The following RNF213 variants were observed in gnomAD, a reference collection of about 807,000 sequenced individuals.
RNF213 encodes the protein ring finger protein 213.
A neutral mutation model predicts 514.4 loss-of-function variants in RNF213; 341 were observed. The ratio of observed to expected loss-of-function variants is 0.66; its 90% CI spans 0.61 to 0.73. The LOEUF (loss-of-function observed/expected upper bound fraction) is 0.73, where lower values mean the gene tolerates loss of function less well. RNF213 is among the 30% of genes least tolerant of loss of function. The probability of loss-of-function intolerance (pLI) is 0.00; values close to 1 mark genes in which losing one functional copy is unlikely to be tolerated. For synonymous variants in RNF213, 2,655 were observed against 2,658.2 expected (o/e 1.00, Z 0.04); for missense variants, 5,767 against 6,615.6 (o/e 0.87, Z 4.45).
chr17:80,355,540 T>TGAATG (rs2078743035), intron 36 of RNF213, among the ~76,000 whole-genome samples: 4 of 43,574 alleles, frequency 9.2e-5, no homozygotes, highest in Non-Finnish European at 1.5e-4. Context: ...AGAAGCGGGG[T>TGAATG]GGACGGGAAT....
chr17:80,382,465 G>C (rs1445641798), intron 57 of RNF213: 1 of 159,998 alleles, frequency 6.3e-6, no homozygotes, highest in Non-Finnish European at 1.4e-5. Context: ...GTACTTCTTT[G>C]CCTGAAACTG....
intron 8 of RNF213, among the ~76,000 whole-genome samples, chr17:80,293,996 G>C (rs1003751403): frequency 6.6e-6 from 1 of 152,192 alleles, no homozygotes; most frequent in African/African-American, 2.4e-5. Flanking sequence ...CGAAAGCATG[G>C]CAGGGGGCTG....
chr17:80,353,325 GA>G lies in RNF213; in HGVS notation c.10424-185del. 1.2e-6 allele frequency: 1 copy of G among 811,314 alleles called. No homozygotes were observed. Among genetic ancestry groups the G allele is most frequent in the Non-Finnish European group, 2.0e-6 (1 of 498,506 alleles). The allele number at this position is 811,314 out of a possible 1,614,324, so 50.3% of individuals were successfully genotyped here. A position where few individuals can be genotyped will look rare whatever the true frequency, so the allele number is the denominator to read the frequency against. ...CTAGAACACGCCAGAGCCCAGGCTG[GA>G]AGGAAGGGGCTGCCTTGGGGGCTGA... On this transcript the variant is annotated intron_variant, in intron 33 of 67. Transcript: ENST00000582970. This position sits in a 1 kb window ranked among gnomAD's most constrained non-coding sequence, Gnocchi z 5.0.
intron 36 of RNF213, 136 bp downstream of exon 36, chr17:80,354,712 T>A: frequency 2.5e-6 from 3 of 1,178,482 alleles, no homozygotes; most frequent in Non-Finnish European, 3.7e-6. Flanking sequence ...TTCAAAGCTG[T>A]AAAGTTTTTC....
intron 11 of RNF213, among the ~76,000 whole-genome samples, chr17:80,303,153 A>G (rs377329982): frequency 3.3e-5 from 5 of 152,344 alleles, no homozygotes; most frequent in African/African-American, 9.6e-5. Context: ...TGGAGCTTGC[A>G]TTCTAGCTGG....
chr17:80,324,950 G>A, intron 17 of RNF213, 80 bp from the exon 18 acceptor site: 1 of 1,309,160 alleles, frequency 7.6e-7, no homozygotes, highest in African/African-American at 1.5e-5. Flanking sequence ...ATGCTATCGA[G>A]TAGGTAATTT....
In RNF213 at chr17:80,288,206, A is replaced by G. The variant is rs777735808; in HGVS notation, c.653A>G (p.Gln218Arg). 1 of 1,613,068 alleles carries G rather than the reference A, an allele frequency of 6.2e-7. No homozygotes were observed. The highest frequency in any genetic ancestry group is 1.7e-5 in the Admixed American group (1 of 60,026). ...CCCTCTGGGGGCAGAGGCCTGTCCC[A>G]GGAGGGGACCGGTCCCCCCACCTCT... ...SIPSGGRGLS[Q>R]EGTGPPTSAG... The change falls in exon 4 of 68, where the codon CAG becomes CGG. Residue 218 changes from glutamine (Q) to arginine (R), a missense_variant. Physicochemically the swap from Gln to Arg is conservative, Grantham distance 43. Transcript: ENST00000582970. This position sits in a 1 kb window ranked among gnomAD's most constrained non-coding sequence, Gnocchi z 4.9.
rs748443523 is a variant in RNF213, at chr17:80,393,518, T to C, written c.*20T>C. The C allele has an allele frequency of 1.9e-6, 3 of 1,613,018 alleles. No homozygotes were observed. In the Admixed American group the frequency reaches 5.0e-5, roughly 27 times the overall value. On this transcript the variant is annotated 3_prime_UTR_variant, in exon 68 of 68. Transcript: ENST00000582970. ...AGATAGAATTATTTCCTCAGCTATC[T>C]TTGGATGACTTTGGAGAGAAGACTC...
chr17:80,287,719 G>C (rs1208426892), intron 3 of RNF213, 96 bp from the exon 4 acceptor site: 8 of 1,273,424 alleles, frequency 6.3e-6, no homozygotes, highest in South Asian at 1.2e-5. Context: ...AGCCAAGCTT[G>C]ATGTAGTTGA....
intron 3 of RNF213, among the ~76,000 whole-genome samples, chr17:80,281,627 C>CATACCCCACTCACACACA (rs1325173653): frequency 1.1e-5 from 1 of 92,776 alleles, no homozygotes; most frequent in Non-Finnish European, 2.5e-5. Context: ...CTCACACACA[C>CATACCCCACTCACACACA]CCCCAACACA....
At chr17:80,281,800 A>T (rs545792551) in intron 3 of RNF213, among the ~76,000 whole-genome samples, 2 of 152,174 alleles carry the variant, frequency 1.3e-5, no homozygotes, top group Non-Finnish European at 2.9e-5. Context: ...AGTCCCAGAT[A>T]TGAAACGGCG....
intron 3 of RNF213, among the ~76,000 whole-genome samples, chr17:80,279,612 C>T (rs901894259): frequency 6.6e-6 from 1 of 151,806 alleles, no homozygotes; most frequent in Non-Finnish European, 1.5e-5. Flanking sequence ...TTACAGGCAC[C>T]TGCCACCACG....
At chr17:80,390,805 G>A (rs145402736) in intron 67 of RNF213, among the ~76,000 whole-genome samples, 249 of 152,226 alleles carry the variant, frequency 1.6e-3, no homozygotes, top group African/African-American at 5.8e-3. Context: ...GGCTTACCCT[G>A]TAATCCCAGC....
At chr17:80,312,271 G>A (rs1363801851) in intron 14 of RNF213, among the ~76,000 whole-genome samples, 1 of 152,204 alleles carries the variant, frequency 6.6e-6, no homozygotes, top group Non-Finnish European at 1.5e-5. Flanking sequence ...AGAGGGAGGA[G>A]GAAGGAGAGG....
chr17:80,324,977 A>G, intron 17 of RNF213, 53 bp from the exon 18 acceptor site: 3 of 1,506,352 alleles, frequency 2.0e-6, no homozygotes, highest in Non-Finnish European at 2.7e-6. Flanking sequence ...GTTATTTCAA[A>G]ACAAACTAAT....
chr17:80,315,888 GGTGGT>G (rs2045924979), intron 15 of RNF213, among the ~76,000 whole-genome samples: 2 of 53,950 alleles, frequency 3.7e-5, no homozygotes, highest in Non-Finnish European at 8.5e-5. Flanking sequence ...AGGTGATGGT[GGTGGT>G]GAAGGTGATG....
At position 80,340,314 on chromosome 17, in the gene RNF213, C is replaced by T. The variant is rs116608867; in HGVS notation, c.5947C>T (p.Arg1983Trp). 696 of 1,609,790 alleles carry T rather than the reference C, an allele frequency of 4.3e-4. 3 individuals are homozygous for T. In the African/African-American group the frequency reaches 7.6e-3, roughly 17 times the overall value. Residue 1983 changes from arginine to tryptophan, a missense_variant, in exon 26 of 68, where the codon CGG becomes TGG. By Grantham distance (101) the Arg-to-Trp change is moderately radical (BLOSUM62 -3). Transcript: ENST00000582970. The part of the protein sequence containing the change: ...TLSAAAVFND[R>W]LCVGIVASER... ...GTCGGCGGCAGCCGTGTTCAATGAC[C>T]GGCTGTGTGTTGGGATCGTGGCCTC...
At chr17:80,358,951 G>A (rs991414713) in intron 37 of RNF213, among the ~76,000 whole-genome samples, 1 of 152,116 alleles carries the variant, frequency 6.6e-6, no homozygotes, top group African/African-American at 2.4e-5. Flanking sequence ...AGAAATTTCT[G>A]TTTTATCTCC....
Position 80,339,421 on chromosome 17 carries a change from A to T in RNF213, c.5054A>T (p.Asp1685Val). 2.6e-6 allele frequency: 4 copies of T among 1,537,250 alleles called. No homozygotes were observed. The highest frequency in any genetic ancestry group is 3.5e-6 in the Non-Finnish European group (4 of 1,146,912). The stretch of plus-strand genomic sequence containing the variant: ...TGCAGGCAGATGGAGCACTTCCTTG[A>T]CAGCTGGAAGAGATTTGTGACCCAG... ...ALCRQMEHFL[D>V]SWKRFVTQKR... The change falls in exon 26 of 68, where the codon GAC becomes GTC. Residue 1685 changes from aspartate (D) to valine (V), a missense_variant. Physicochemically the swap from Asp to Val is radical, Grantham distance 152 (BLOSUM62 -3). Transcript: ENST00000582970.
Sources: allele counts gnomAD v4.1 joint callset (sites outside exome capture counted in the v4.1 genomes callset), GRCh38; gene constraint gnomAD v4.1.1; non-coding constraint Gnocchi (gnomAD v3.1); transcripts MANE v1.5; gene names NCBI Gene and HGNC (gene_info 2026-07-23, HGNC 2026-07-21).